The following MARK3 variants were observed in gnomAD, a reference collection of about 807,000 sequenced individuals.
MARK3 encodes microtubule affinity regulating kinase 3.
A neutral mutation model predicts 90.1 loss-of-function variants in MARK3; 46 were observed. The observed-to-expected ratio is 0.51, with a 90% CI of 0.40 to 0.65. The LOEUF (loss-of-function observed/expected upper bound fraction) is 0.65, where lower values mean the gene tolerates loss of function less well. Among genes scored for constraint, MARK3 ranks in the 30% least tolerant of loss-of-function variants. The pLI, the probability that MARK3 is intolerant of heterozygous loss-of-function variation, is 0.00. For synonymous variants in MARK3, 321 were observed against 332.6 expected (o/e 0.97, Z 0.38); for missense variants, 818 against 947.2 (o/e 0.86, Z 1.79).
chr14:103,402,085 A>G (rs1309206444), intron 1 of MARK3, among the ~76,000 whole-genome samples: 2 of 152,356 alleles, frequency 1.3e-5, no homozygotes, highest in East Asian at 1.9e-4. Context: ...TTGCATGTCT[A>G]CCATGTGTTA....
intron 3 of MARK3, among the ~76,000 whole-genome samples, chr14:103,428,980 T>C (rs939914197): frequency 6.6e-6 from 1 of 152,220 alleles, no homozygotes; most frequent in African/African-American, 2.4e-5. Flanking sequence ...TTAACATAGA[T>C]CAAGTCTTTG....
At chr14:103,391,302 C>T (rs1465359421) in intron 1 of MARK3, among the ~76,000 whole-genome samples, 1 of 152,142 alleles carries the variant, frequency 6.6e-6, no homozygotes, top group East Asian at 1.9e-4. Context: ...TACTCAACAG[C>T]GCAGCTCAGT....
chr14:103,490,860 A>AGG (rs2094004395), intron 14 of MARK3: 13 of 700,914 alleles, frequency 1.9e-5, no homozygotes, highest in Non-Finnish European at 2.3e-5. Context: ...ATGGCTTGGG[A>AGG]GGAAGGTGTG....
rs139480733 is a variant in MARK3 at position 103,412,051 on chromosome 14, A to G, written c.243+6784A>G. On this transcript the variant is annotated intron_variant, in intron 2 of 17. Coordinates refer to ENST00000429436, the MANE Select transcript of MARK3 (RefSeq NM_001128918.3). ...TGAAATTTTGATTAGATTAGTTTTC[A>G]TGGGATTAGTTGGTTTTTTGTTTTT... is the stretch of plus-strand genomic sequence containing the variant. 478 of 393,116 alleles carry G rather than the reference A, an allele frequency of 1.2e-3. 1 individual carries two copies. Among genetic ancestry groups the G allele is most frequent in the African/African-American group, 9.2e-3 (436 of 47,160 alleles). The allele number at this position is 393,116 out of a possible 1,614,324, so 24.4% of individuals were successfully genotyped here.
At chr14:103,488,294 G>C (rs1446547807) in intron 14 of MARK3, among the ~76,000 whole-genome samples, 1 of 151,994 alleles carries the variant, frequency 6.6e-6, no homozygotes, top group African/African-American at 2.4e-5. Context: ...TCCATGATTG[G>C]GCTCGGCACC....
At chr14:103,471,851 G>GA (rs543162605) in intron 12 of MARK3, among the ~76,000 whole-genome samples, 4 of 151,758 alleles carry the variant, frequency 2.6e-5, no homozygotes, top group African/African-American at 9.7e-5. Context: ...GTAGTTCTCA[G>GA]AAAAAAAATT....
At chr14:103,478,791 G>T (rs959771582) in intron 13 of MARK3, among the ~76,000 whole-genome samples, 1 of 151,952 alleles carries the variant, frequency 6.6e-6, no homozygotes, top group Non-Finnish European at 1.5e-5. Flanking sequence ...CACCCGCCTC[G>T]GCCTCCCAAA....
chr14:103,492,660 T>C (rs1211914700), intron 15 of MARK3, among the ~76,000 whole-genome samples: 1 of 152,224 alleles, frequency 6.6e-6, no homozygotes, highest in Non-Finnish European at 1.5e-5. Context: ...GATTCTTGGC[T>C]GATGGTCCTG....
At chr14:103,448,856 G>A in intron 3 of MARK3, 63 bp from the exon 4 acceptor site, 1 of 1,444,258 alleles carries the variant, frequency 6.9e-7, no homozygotes, top group Non-Finnish European at 9.4e-7. Context: ...TTACAACAGT[G>A]GAATATAATG....
At chr14:103,401,641 C>A (rs758226902) in intron 1 of MARK3, among the ~76,000 whole-genome samples, 3 of 152,192 alleles carry the variant, frequency 2.0e-5, no homozygotes, top group Non-Finnish European at 4.4e-5. Context: ...CATTCATTTT[C>A]ACTCACAGGA....
chr14:103,453,400 T>C (rs1004783841), intron 5 of MARK3, among the ~76,000 whole-genome samples: 4 of 152,246 alleles, frequency 2.6e-5, no homozygotes, highest in East Asian at 1.9e-4. Flanking sequence ...ATCGTAATTT[T>C]ATCATTAGCA....
rs556813264 is a variant in MARK3, at chr14:103,463,129, A to G, written c.540+668A>G. On this transcript the variant is annotated intron_variant, in intron 7 of 17. Transcript: ENST00000429436. ...GGCTTTTCACCAGCAGCATTTACAC[A>G]TGCTCAAGTCTATATACCTTTTTTT... 7.6e-5 allele frequency among the ~76,000 whole-genome samples: 10 copies of G among 132,358 alleles called. No individual in the cohort carries two copies. In the East Asian group the frequency reaches 2.0e-3, roughly 26 times the overall value. The allele number at this position is 132,358 out of a possible 152,430, so 86.8% of individuals were successfully genotyped here.
chr14:103,460,297 G>A (rs2093375203), intron 6 of MARK3, among the ~76,000 whole-genome samples: 1 of 151,692 alleles, frequency 6.6e-6, no homozygotes, highest in Non-Finnish European at 1.5e-5. Context: ...GTGTTAGTCA[G>A]GATGGTCTCG....
In MARK3 at chr14:103,439,375, A is replaced by G. The variant is rs145544907; in HGVS notation, c.298-9544A>G. On this transcript the variant is annotated intron_variant, in intron 3 of 17. Coordinates refer to ENST00000429436, the MANE Select transcript of MARK3 (RefSeq NM_001128918.3). ...TATGGATCACTCATCAATGTAGTGT[A>G]AAGGTTTTTTTTGGTCTGTTTTTTG... Among the ~76,000 whole-genome samples the G allele has an allele frequency of 1.0e-3, 158 of 152,250 alleles. 5 individuals are homozygous for G. In the East Asian group the frequency reaches 0.026, roughly 25 times the overall value.
At chr14:103,401,834 A>T (rs538936726) in intron 1 of MARK3, among the ~76,000 whole-genome samples, 2 of 152,216 alleles carry the variant, frequency 1.3e-5, no homozygotes, top group Non-Finnish European at 2.9e-5. Context: ...GAAGTAAGAA[A>T]TTCTGATGAG....
intron 15 of MARK3, among the ~76,000 whole-genome samples, chr14:103,494,957 C>A (rs1384487088): frequency 6.6e-6 from 1 of 152,076 alleles, no homozygotes; most frequent in African/African-American, 2.4e-5. Context: ...TAGATACAGT[C>A]ATATTCATTT....
At chr14:103,471,562 C>T (rs1412249393) in intron 12 of MARK3, among the ~76,000 whole-genome samples, 10 of 152,204 alleles carry the variant, frequency 6.6e-5, no homozygotes, top group Admixed American at 3.9e-4. Context: ...CCTGTATAGC[C>T]GGGCTAACTT....
At chr14:103,458,965 T>C (rs879370661) in intron 6 of MARK3, among the ~76,000 whole-genome samples, 4 of 152,154 alleles carry the variant, frequency 2.6e-5, no homozygotes, top group Admixed American at 6.6e-5. Context: ...AAAAAAGAAA[T>C]TATTCTTGAT....
intron 2 of MARK3, among the ~76,000 whole-genome samples, chr14:103,405,955 A>G (rs1424351820): frequency 6.6e-6 from 1 of 151,782 alleles, no homozygotes; most frequent in East Asian, 2.0e-4. Context: ...CAGTGGCTCA[A>G]TCATGGCTCA....
Sources: gnomAD v4.1 joint callset for allele counts (sites outside exome capture counted in the v4.1 genomes callset) on GRCh38, gnomAD v4.1.1 for gene constraint, MANE v1.5 for transcripts, NCBI Gene and HGNC (gene_info 2026-07-23, HGNC 2026-07-21) for gene names.